The following PLEKHA6 variants were observed in gnomAD, a reference collection of about 807,000 sequenced individuals.
PLEKHA6 encodes the protein pleckstrin homology domain containing A6.
PLEKHA6 carries 60 observed loss-of-function variants against 116.7 expected under a neutral mutation model. The ratio of observed to expected loss-of-function variants is 0.51; its 90% CI spans 0.42 to 0.64. PLEKHA6 has a LOEUF of 0.64. Ranked by LOEUF, PLEKHA6 falls within the 30% of genes least tolerant of loss-of-function variation. The pLI, the probability that PLEKHA6 is intolerant of heterozygous loss-of-function variation, is 0.00. For missense variants in PLEKHA6, 1,338 were observed against 1,422.7 expected, an observed-to-expected ratio of 0.94 and a Z score of 0.96; for synonymous variants, 489 against 556.1, an observed-to-expected ratio of 0.88 and a Z score of 1.70.
Position 204,267,176 on chromosome 1 carries a change from C to T in PLEKHA6, c.280+299G>A, listed in dbSNP as rs1426396158. On this transcript the variant is annotated intron_variant, in intron 5 of 22. Coordinates refer to ENST00000272203, the MANE Select transcript of PLEKHA6 (RefSeq NM_014935.5). ...CCTCCTCTTTGTGCTCATCCTCTCTCCCCATTCCTCCAGGACTTCACCAGC... is the reference window on the plus strand; with the variant it reads ...CCTCCTCTTTGTGCTCATCCTCTCTTCCCATTCCTCCAGGACTTCACCAGC... Among the ~76,000 whole-genome samples, 3 of 152,326 alleles carry T rather than the reference C, an allele frequency of 2.0e-5. No individual in the cohort carries two copies. In the East Asian group the frequency reaches 5.8e-4, roughly 29 times the overall value.
At position 204,304,817 on chromosome 1, in the gene PLEKHA6, G is replaced by A. The variant is rs1026282032; in HGVS notation, c.-94-30008C>T. Among the ~76,000 whole-genome samples the A allele has an allele frequency of 2.6e-4, 39 of 152,198 alleles. 3 individuals are homozygous for A. Among genetic ancestry groups the A allele is most frequent in the Admixed American group, 1.6e-3 (24 of 15,284 alleles). ...CAGACCTTCTAGAAAACCTGAGTAG[G>A]GCAGGTATGGAAGGGAGGGGGAAAT... is the stretch of plus-strand genomic sequence containing the variant. On this transcript the variant is annotated intron_variant, in intron 1 of 22. Coordinates refer to ENST00000272203, the MANE Select transcript of PLEKHA6 (RefSeq NM_014935.5).
intron 1 of PLEKHA6, chr1:204,311,717 T>C: frequency 2.2e-6 from 2 of 919,344 alleles, no homozygotes; most frequent in Non-Finnish European, 2.6e-6. Context: ...TTGAATGAAA[T>C]TGAATATAAT....
chr1:204,361,670 G>A (rs1484607552), upstream of PLEKHA6, among the ~76,000 whole-genome samples: 1 of 152,240 alleles, frequency 6.6e-6, no homozygotes, highest in African/African-American at 2.4e-5. Context: ...CAGACAAGTT[G>A]TGGATGAGGG....
chr1:204,292,427 C>T (rs1263954326), intron 1 of PLEKHA6, among the ~76,000 whole-genome samples: 1 of 152,222 alleles, frequency 6.6e-6, no homozygotes, highest in African/African-American at 2.4e-5. Context: ...CTCAGGGCCA[C>T]AAGGAGCTGC....
Position 204,223,560 on chromosome 1 carries a change from G to A in PLEKHA6, c.3057C>T (p.Pro1019=). 1 of 1,539,576 alleles carries A rather than the reference G, an allele frequency of 6.5e-7. No homozygotes were observed. Among genetic ancestry groups the A allele is most frequent in the Non-Finnish European group, 8.8e-7 (1 of 1,136,894 alleles). The stretch of plus-strand genomic sequence containing the variant: ...GAGGAGCCGGGGAAGCAGGGGAGGT[G>A]GGAGGGCTTGGGGTGGCACATTGCA... ...LSVQCATPSP[P]TSPASPAPPA... Residue 1019 remains proline, a synonymous_variant, in exon 22 of 23, where the codon CCC becomes CCT. Coordinates refer to ENST00000272203, the MANE Select transcript of PLEKHA6 (RefSeq NM_014935.5). The surrounding 1 kb of genome is among the most constrained non-coding windows in gnomAD (Gnocchi z 4.8).
At chr1:204,235,562 T>C (rs1331207957) in intron 17 of PLEKHA6, among the ~76,000 whole-genome samples, 1 of 152,176 alleles carries the variant, frequency 6.6e-6, no homozygotes, top group Non-Finnish European at 1.5e-5. Context: ...GCTCTTATCA[T>C]GTGAGTGGCT....
chr1:204,339,294 C>G (rs1174021359), intron 1 of PLEKHA6, among the ~76,000 whole-genome samples: 2 of 152,216 alleles, frequency 1.3e-5, no homozygotes, highest in East Asian at 3.8e-4. Flanking sequence ...AGGGCTACCC[C>G]TCCCCGAGCC....
At chr1:204,267,755 T>C (rs1327759234) in intron 4 of PLEKHA6, among the ~76,000 whole-genome samples, 1 of 152,118 alleles carries the variant, frequency 6.6e-6, no homozygotes, top group African/African-American at 2.4e-5. Context: ...AGTTCTGTCA[T>C]TCAGTGCCTC....
intron 21 of PLEKHA6, 136 bp downstream of exon 21, chr1:204,227,947 T>C: frequency 1.1e-6 from 1 of 917,568 alleles, no homozygotes; most frequent in Non-Finnish European, 1.6e-6. Flanking sequence ...CAGATGCTCG[T>C]CTCAACCTCG....
intron 1 of PLEKHA6, among the ~76,000 whole-genome samples, chr1:204,331,983 C>G (rs1016955510): frequency 6.6e-6 from 1 of 152,142 alleles, no homozygotes; most frequent in Non-Finnish European, 1.5e-5. Context: ...GGGGTGCAAA[C>G]ACACCTCATG....
chr1:204,294,792 G>A (rs529850361), intron 1 of PLEKHA6, among the ~76,000 whole-genome samples: 99 of 152,184 alleles, frequency 6.5e-4, no homozygotes, highest in Non-Finnish European at 4.0e-4. Flanking sequence ...TCATGGGTTC[G>A]TCACAGGAGT....
chr1:204,313,361 G>A (rs371378274), intron 1 of PLEKHA6, among the ~76,000 whole-genome samples: 1 of 151,948 alleles, frequency 6.6e-6, no homozygotes, highest in East Asian at 1.9e-4. Flanking sequence ...TAACTTACAG[G>A]GTGCTGGAAA....
intron 21 of PLEKHA6, among the ~76,000 whole-genome samples, chr1:204,227,305 C>G (rs1047813474): frequency 2.0e-5 from 3 of 152,186 alleles, no homozygotes; most frequent in Non-Finnish European, 2.9e-5. Flanking sequence ...CTATCCTAAG[C>G]ACCTTTATCT....
chr1:204,360,465 G>T (rs1485931158), upstream of PLEKHA6, among the ~76,000 whole-genome samples: 1 of 152,046 alleles, frequency 6.6e-6, no homozygotes, highest in African/African-American at 2.4e-5. Flanking sequence ...GATGAGTGGG[G>T]TGTGAGTGGG....
At chr1:204,274,965 A>C in intron 1 of PLEKHA6, 156 bp from the exon 2 acceptor site, 1 of 273,268 alleles carries the variant, frequency 3.7e-6, no homozygotes, top group Non-Finnish European at 5.0e-6. Flanking sequence ...GCCTGGGCTG[A>C]CATCTGGATG....
At chr1:204,311,804 A>C (rs1671667384) in intron 1 of PLEKHA6, 1 of 397,000 alleles carries the variant, frequency 2.5e-6, no homozygotes. Flanking sequence ...TAGAGGAGGA[A>C]ACTTCACAAT....
Position 204,269,407 on chromosome 1 carries a change from C to A in PLEKHA6, c.103-1095G>T, listed in dbSNP as rs915517674. ...CTCCAAATTAATCAAATTGTCTACTCTCCCTGCACTCATAGCCAGATTATG... is the reference window on the plus strand; with the variant it reads ...CTCCAAATTAATCAAATTGTCTACTATCCCTGCACTCATAGCCAGATTATG... On this transcript the variant is annotated intron_variant, in intron 3 of 22. Transcript: ENST00000272203. Among the ~76,000 whole-genome samples the A allele has an allele frequency of 3.7e-4, 47 of 126,744 alleles. 1 individual carries two copies. The highest frequency in any genetic ancestry group is 1.3e-3 in the African/African-American group (44 of 34,482). The allele number at this position is 126,744 out of a possible 152,430, so 83.1% of individuals were successfully genotyped here. A position where few individuals can be genotyped will look rare whatever the true frequency, so the allele number is the denominator to read the frequency against.
rs563457046 is a variant in PLEKHA6, at chr1:204,297,033, G to A, written c.-94-22224C>T. ...TTACCACCATAACCAGAGAGCCACC[G>A]TACCCATCCCTGCAGATTTCTTTTT... On this transcript the variant is annotated intron_variant, in intron 1 of 22. Coordinates refer to ENST00000272203, the MANE Select transcript of PLEKHA6 (RefSeq NM_014935.5). 2.6e-4 allele frequency: 215 copies of A among 820,136 alleles called. No homozygotes were observed. In the African/African-American group the frequency reaches 2.7e-3, roughly 10 times the overall value. The allele number at this position is 820,136 out of a possible 1,614,324, so 50.8% of individuals were successfully genotyped here. A position where few individuals can be genotyped will look rare whatever the true frequency, so the allele number is the denominator to read the frequency against.
At chr1:204,271,501 GGAA>G (rs1667447940) in intron 3 of PLEKHA6, among the ~76,000 whole-genome samples, 1 of 152,142 alleles carries the variant, frequency 6.6e-6, no homozygotes, top group African/African-American at 2.4e-5. Context: ...ATTTGCCATT[GGAA>G]GAAGTCACCA....
Sources: gnomAD v4.1 joint callset for allele counts (sites outside exome capture counted in the v4.1 genomes callset) on GRCh38, gnomAD v4.1.1 for gene constraint, Gnocchi (gnomAD v3.1) non-coding constraint, MANE v1.5 for transcripts, NCBI Gene and HGNC (gene_info 2026-07-23, HGNC 2026-07-21) for gene names.